Variants in NELFA observed in about 807,000 individuals in gnomAD.
The protein encoded by NELFA is negative elongation factor A.
NELFA carries 35 observed loss-of-function variants against 51.8 expected under a neutral mutation model. That is an observed-to-expected ratio of 0.68 (90% CI 0.52 to 0.90). The LOEUF (loss-of-function observed/expected upper bound fraction) is 0.90, where lower values mean the gene tolerates loss of function less well. NELFA is among the 40% of genes least tolerant of loss of function. The pLI is 0.00. For synonymous variants in NELFA, 417 were observed against 338.4 expected (o/e 1.23, Z -2.55); for missense variants, 658 against 746.4 (o/e 0.88, Z 1.38).
In NELFA at chr4:1,989,496, GTTTTGGTAC is replaced by G. The variant is rs1560866114; in HGVS notation, c.544+203_544+211del. ...GCACGCACCACCATGCCCGGCTAAT[GTTTTGGTAC>G]TTTTGGTAGAGATGGGGTTTCTTGG... On this transcript the variant is annotated intron_variant, in intron 3 of 10. Transcript: ENST00000382882. This position sits in a 1 kb window ranked among gnomAD's most constrained non-coding sequence, Gnocchi z 4.8. 6.6e-6 allele frequency among the ~76,000 whole-genome samples: 1 copy of G among 151,886 alleles called. No homozygotes were observed. Among genetic ancestry groups the G allele is most frequent in the East Asian group, 1.9e-4 (1 of 5,168 alleles).
At chr4:1,984,241 G>T in intron 8 of NELFA, 128 bp from the exon 9 acceptor site, 1 of 1,206,172 alleles carries the variant, frequency 8.3e-7, no homozygotes, top group Non-Finnish European at 1.1e-6. Flanking sequence ...AACTCCCTGT[G>T]GCCCCCAGCC....
chr4:1,986,936 C>T (rs956797824), intron 4 of NELFA, among the ~76,000 whole-genome samples: 2 of 152,096 alleles, frequency 1.3e-5, no homozygotes, highest in African/African-American at 4.8e-5. Context: ...CACTGCTCAA[C>T]GGCTGGCCCA....
chr4:2,003,614 AAACT>A (rs1257194484), intron 1 of NELFA, among the ~76,000 whole-genome samples: 1 of 152,180 alleles, frequency 6.6e-6, no homozygotes, highest in Non-Finnish European at 1.5e-5. Context: ...CATCCTCAGC[AAACT>A]AACAAAGGAA....
At chr4:1,992,931 G>A (rs887897714) in intron 1 of NELFA, among the ~76,000 whole-genome samples, 8 of 152,334 alleles carry the variant, frequency 5.3e-5, no homozygotes, top group Non-Finnish European at 1.0e-4. Context: ...AACCAGGGAG[G>A]GTGTCGCCCC....
At chr4:1,985,929 G>A (rs566150813) in intron 6 of NELFA, 65 bp from the exon 7 acceptor site, 22 of 1,446,912 alleles carry the variant, frequency 1.5e-5, no homozygotes, top group South Asian at 5.1e-5. Flanking sequence ...TCAGGGCAGC[G>A]GCAGGGAATC....
At chr4:1,988,168 G>A (rs1044424340) in intron 3 of NELFA, among the ~76,000 whole-genome samples, 161 bp from the exon 4 acceptor site, 4 of 152,244 alleles carry the variant, frequency 2.6e-5, no homozygotes, top group African/African-American at 7.2e-5. Flanking sequence ...ACACCAGCTC[G>A]CACTTTACAA....
chr4:1,993,964 C>T (rs988736907), intron 1 of NELFA, among the ~76,000 whole-genome samples: 5 of 152,154 alleles, frequency 3.3e-5, no homozygotes, highest in African/African-American at 1.2e-4. Context: ...CACGCCCGGC[C>T]CAGGCCTACC....
chr4:1,999,675 C>G (rs945985314), intron 1 of NELFA, among the ~76,000 whole-genome samples: 41 of 152,128 alleles, frequency 2.7e-4, no homozygotes, highest in Admixed American at 6.6e-4. Flanking sequence ...GACTTAGACT[C>G]CCACACAATA....
intron 7 of NELFA, 103 bp from the exon 8 acceptor site, chr4:1,985,022 C>G: frequency 3.6e-6 from 3 of 825,576 alleles, no homozygotes; most frequent in Non-Finnish European, 5.6e-6. Flanking sequence ...CTGTGGCCCC[C>G]CGAGCTAGAG....
At position 1,994,078 on chromosome 4, in the gene NELFA, T is replaced by C. The variant is rs540786113; in HGVS notation, c.211-2363A>G. On this transcript the variant is annotated intron_variant, in intron 1 of 10. Coordinates refer to ENST00000382882, the MANE Select transcript of NELFA (RefSeq NM_005663.5). ...TAAAATGTCTCTTCCTCTTCCCTGG[T>C]ATAAAGAACTGCTGTTTACTAAGCT... is the stretch of plus-strand genomic sequence containing the variant. Among the ~76,000 whole-genome samples the C allele has an allele frequency of 3.9e-5, 6 of 152,284 alleles. No homozygotes were observed. In the South Asian group the frequency reaches 1.2e-3, roughly 32 times the overall value.
In NELFA at chr4:1,989,539, A is replaced by G. The variant is rs1728212167; in HGVS notation, c.544+169T>C. On this transcript the variant is annotated intron_variant, in intron 3 of 10. Coordinates refer to ENST00000382882, the MANE Select transcript of NELFA (RefSeq NM_005663.5). This position sits in a 1 kb window ranked among gnomAD's most constrained non-coding sequence, Gnocchi z 4.8. ...GAGATGGGGTTTCTTGGCTGGTCTC[A>G]AACTCCTGGGCTCAAACGACCCACC... is the stretch of plus-strand genomic sequence containing the variant. Among the ~76,000 whole-genome samples the G allele has an allele frequency of 6.6e-6, 1 of 151,138 alleles. No individual in the cohort carries two copies.
chr4:2,001,101 T>C (rs1728556350), intron 1 of NELFA, among the ~76,000 whole-genome samples: 1 of 152,224 alleles, frequency 6.6e-6, no homozygotes, highest in Non-Finnish European at 1.5e-5. Flanking sequence ...CATCCCTGCA[T>C]GTTAAAAACT....
rs541512779 is a variant in NELFA at position 1,985,845 on chromosome 4, C to T, written c.855G>A (p.Lys285=). 4 of 1,613,184 alleles carry T rather than the reference C, an allele frequency of 2.5e-6. No homozygotes were observed. Among genetic ancestry groups the T allele is most frequent in the African/African-American group, 2.7e-5 (2 of 75,040 alleles). The change falls in exon 7 of 11, where the codon AAG becomes AAA. Residue 285 remains lysine (K), a synonymous_variant. Transcript: ENST00000382882. ...CCACCACCGTTTCCTCCTTGGCCGG[C>T]TTCTCCACCACCTCCGCATCTGTGG... The part of the protein sequence containing the change: ...RKTLDAEVVE[K]PAKEETVVEN...
At position 1,984,080 on chromosome 4, in the gene NELFA, T is replaced by G; in HGVS notation, c.1070A>C (p.Glu357Ala). Residue 357 changes from glutamate (E) to alanine (A), a missense_variant, in exon 9 of 11, where the codon GAG (glutamate) becomes GCG (alanine). By Grantham distance (107) the Glu-to-Ala change is moderately radical. Around this residue, in one of 3 missense-constraint regions of NELFA, gnomAD observed 200 missense variants for 167.9 expected, o/e 1.19. Transcript: ENST00000382882. Reference sequence around the variant, plus strand: ...CGTGGGGCTCGGGGCGCTGGGCTCCTCTGGTGGGCGGCTGGCTTCCCGGGA... The same window carrying G: ...CGTGGGGCTCGGGGCGCTGGGCTCCGCTGGTGGGCGGCTGGCTTCCCGGGA... ...PSSREASRPPEEPSAPSPTLP... is the reference protein window; with the variant it reads ...PSSREASRPPAEPSAPSPTLP... 1 of 1,586,852 alleles carries G rather than the reference T, an allele frequency of 6.3e-7. No individual in the cohort carries two copies. The highest frequency in any genetic ancestry group is 8.5e-7 in the Non-Finnish European group (1 of 1,172,332).
chr4:2,008,468 G>A lies in NELFA; in HGVS notation c.210+282C>T, dbSNP rs1577634941. Among the ~76,000 whole-genome samples, 8 of 150,638 alleles carry A rather than the reference G, an allele frequency of 5.3e-5. No homozygotes were observed. The South Asian group carries it at 1.7e-3, about 32-fold the overall frequency. On this transcript the variant is annotated intron_variant, in intron 1 of 10. Coordinates refer to ENST00000382882, the MANE Select transcript of NELFA (RefSeq NM_005663.5). ...GGACCCTAGTGGGGGATTCCCAGGGGGCGAGGAGGGGCGGGGGGTCCTGAA... is the reference window on the plus strand; with the variant it reads ...GGACCCTAGTGGGGGATTCCCAGGGAGCGAGGAGGGGCGGGGGGTCCTGAA...
chr4:1,991,595 C>T lies in NELFA; in HGVS notation c.331G>A (p.Glu111Lys). 1 of 1,614,108 alleles carries T rather than the reference C, an allele frequency of 6.2e-7. No homozygotes were observed. The highest frequency in any genetic ancestry group is 8.5e-7 in the Non-Finnish European group (1 of 1,180,028). ...PDTGSLNLEL[E>K]EQNPNVQDIL... is the part of the protein sequence containing the mutation. ...TCCTGAACGTTGGGATTCTGCTCCT[C>T]CAGCTCCAGGTTAAGCGAGCCTGTG... The change falls in exon 2 of 11, where the codon GAG becomes AAG. Residue 111 changes from glutamate to lysine, a missense_variant. Around this residue, in one of 3 missense-constraint regions of NELFA, gnomAD observed 371 missense variants for 448.3 expected, o/e 0.83. Coordinates refer to ENST00000382882, the MANE Select transcript of NELFA (RefSeq NM_005663.5).
At chr4:1,998,284 C>T (rs1159783226) in intron 1 of NELFA, among the ~76,000 whole-genome samples, 3 of 151,630 alleles carry the variant, frequency 2.0e-5, no homozygotes, top group Non-Finnish European at 4.4e-5. Flanking sequence ...CAGAACTAGA[C>T]GGAGGATTGG....
chr4:1,984,189 C>G, intron 8 of NELFA, 76 bp from the exon 9 acceptor site: 1 of 1,408,830 alleles, frequency 7.1e-7, no homozygotes, highest in Non-Finnish European at 9.3e-7. Flanking sequence ...CTGGAGGTGA[C>G]AGGCTCAGCT....
At chr4:1,997,670 C>T (rs762904945) in intron 1 of NELFA, among the ~76,000 whole-genome samples, 11 of 152,210 alleles carry the variant, frequency 7.2e-5, no homozygotes, top group Non-Finnish European at 1.6e-4. Context: ...GATGGTGTAG[C>T]CACTATGGAA....
Sources: allele counts gnomAD v4.1 joint callset (sites outside exome capture counted in the v4.1 genomes callset), GRCh38; gene constraint gnomAD v4.1.1; regional missense constraint gnomAD v4.1.1; non-coding constraint Gnocchi (gnomAD v3.1); transcripts MANE v1.5; gene names NCBI Gene and HGNC (gene_info 2026-07-23, HGNC 2026-07-21).